Variants in KCNH7 observed in about 807,000 individuals in gnomAD.
The protein encoded by KCNH7 is potassium voltage-gated channel subfamily H member 7, also known as voltage-gated inwardly rectifying potassium channel KCNH7.
In KCNH7, 49 loss-of-function variants were observed where a neutral mutation model predicts 120.8. The observed-to-expected ratio is 0.41, with a 90% confidence interval of 0.32 to 0.51. The LOEUF (loss-of-function observed/expected upper bound fraction) is 0.51. KCNH7 is among the 20% of genes least tolerant of loss of function. The pLI is 0.38. For missense variants in KCNH7, 1,097 were observed against 1,446.6 expected (o/e 0.76, Z 3.92); for synonymous variants, 547 against 516.1 (o/e 1.06, Z -0.81).
At chr2:162,776,606 G>C (rs182256969) in intron 2 of KCNH7, among the ~76,000 whole-genome samples, 1 of 152,128 alleles carries the variant, frequency 6.6e-6, no homozygotes, top group African/African-American at 2.4e-5. Flanking sequence ...AGAGGGAAGA[G>C]AGGAAAGAGC....
At position 162,423,503 on chromosome 2, in the gene KCNH7, A is replaced by C. The variant is rs1417553808; in HGVS notation, c.1987T>G (p.Ser663Ala). ...GAGTATAGTCTTTGGATAATTGCAG[A>C]TACATTCCCAAAAATGCTTGCATAC... ...LMYASIFGNV[S>A]AIIQRLYSGT... The change falls in exon 9 of 16, where the codon TCT (serine) becomes GCT (alanine). Residue 663 changes from serine (S) to alanine (A), a missense_variant. This residue lies in a region of KCNH7 where 24 missense variants were observed against 105.8 expected (regional missense o/e 0.23). Transcript: ENST00000332142. 6.2e-7 allele frequency: 1 copy of C among 1,613,982 alleles called. No homozygotes were observed. The highest frequency in any genetic ancestry group is 8.5e-7 in the Non-Finnish European group (1 of 1,179,866).
At chr2:162,523,469 C>T (rs7584789) in intron 3 of KCNH7, among the ~76,000 whole-genome samples, 19,776 of 151,746 alleles carry the variant, frequency 0.13, 4,085 homozygotes, top group African/African-American at 0.43. Context: ...AATGGGGCTT[C>T]AAAAATTGGC....
intron 2 of KCNH7, among the ~76,000 whole-genome samples, chr2:162,552,682 G>A (rs944040404): frequency 1.3e-5 from 2 of 152,238 alleles, no homozygotes; most frequent in African/African-American, 4.8e-5. Context: ...GCTGGTCACA[G>A]AAGAGGAAGT....
intron 2 of KCNH7, among the ~76,000 whole-genome samples, chr2:162,692,124 G>GTTT (rs71410029): frequency 4.7e-3 from 681 of 144,720 alleles, no homozygotes; most frequent in Non-Finnish European, 7.5e-3. Context: ...ACAACATTGA[G>GTTT]TTTTTTTTTT....
At chr2:162,455,705 A>G (rs1688939845) in intron 6 of KCNH7, among the ~76,000 whole-genome samples, 1 of 151,732 alleles carries the variant, frequency 6.6e-6, no homozygotes, top group Admixed American at 6.6e-5. Flanking sequence ...TTTCTTCTAG[A>G]TTTTCTAGTT....
intron 2 of KCNH7, among the ~76,000 whole-genome samples, chr2:162,634,492 G>A (rs1366885581): frequency 6.6e-6 from 1 of 152,060 alleles, no homozygotes; most frequent in African/African-American, 2.4e-5. Flanking sequence ...AACAACTACA[G>A]TAGTATCAGC....
At chr2:162,542,350 T>C (rs986761091) in intron 2 of KCNH7, among the ~76,000 whole-genome samples, 1 of 150,502 alleles carries the variant, frequency 6.6e-6, no homozygotes, top group Non-Finnish European at 1.5e-5. Flanking sequence ...GCTGCACCCA[T>C]TAACTCGTCA....
intron 6 of KCNH7, among the ~76,000 whole-genome samples, chr2:162,485,712 A>G (rs909149955): frequency 3.3e-5 from 5 of 152,172 alleles, no homozygotes; most frequent in African/African-American, 1.2e-4. Flanking sequence ...AGGTGCCTGC[A>G]GGTAGGAAAA....
intron 2 of KCNH7, among the ~76,000 whole-genome samples, chr2:162,792,698 C>A (rs1463514734): frequency 7.1e-6 from 1 of 140,982 alleles, no homozygotes; most frequent in African/African-American, 2.5e-5. Context: ...ATTAGTCTAA[C>A]AAGCAGCTTA....
chr2:162,536,030 T>C (rs1429038174), intron 3 of KCNH7, among the ~76,000 whole-genome samples: 1 of 151,730 alleles, frequency 6.6e-6, no homozygotes, highest in African/African-American at 2.4e-5. Flanking sequence ...GCATCAGAGA[T>C]CCTAAAAAAT....
intron 2 of KCNH7, chr2:162,784,827 T>C (rs1352814360): frequency 6.6e-6 from 1 of 152,242 alleles, no homozygotes; most frequent in Non-Finnish European, 1.5e-5. Flanking sequence ...TTGGATACAC[T>C]ATTGTTTTGG....
At chr2:162,569,546 T>C (rs1693388352) in intron 2 of KCNH7, among the ~76,000 whole-genome samples, 1 of 139,380 alleles carries the variant, frequency 7.2e-6, no homozygotes, top group Non-Finnish European at 1.6e-5. Flanking sequence ...CTGCTCTGAT[T>C]TTAGTTATTT....
At chr2:162,537,836 C>A (rs1692161692) in intron 2 of KCNH7, among the ~76,000 whole-genome samples, 1 of 152,072 alleles carries the variant, frequency 6.6e-6, no homozygotes, top group Non-Finnish European at 1.5e-5. Context: ...TCAACCACTA[C>A]CATCCGTCTT....
At chr2:162,608,594 T>A (rs969422056) in intron 2 of KCNH7, among the ~76,000 whole-genome samples, 1 of 152,184 alleles carries the variant, frequency 6.6e-6, no homozygotes, top group African/African-American at 2.4e-5. Flanking sequence ...GAATCTCTTT[T>A]CATATCCTGA....
chr2:162,643,826 A>T (rs13392602), intron 2 of KCNH7, among the ~76,000 whole-genome samples: 1 of 123,572 alleles, frequency 8.1e-6, no homozygotes, highest in Non-Finnish European at 1.7e-5. Flanking sequence ...AAAAAAAAAA[A>T]AAGAAGAAAA....
intron 9 of KCNH7, among the ~76,000 whole-genome samples, chr2:162,409,714 A>G (rs528932612): frequency 7.2e-5 from 11 of 152,144 alleles, no homozygotes; most frequent in Admixed American, 2.0e-4. Flanking sequence ...TCTAGGTTTA[A>G]TAAACAGATA....
chr2:162,713,719 GTAT>G (rs1040023871), intron 2 of KCNH7, among the ~76,000 whole-genome samples: 7 of 152,078 alleles, frequency 4.6e-5, no homozygotes, highest in Admixed American at 1.3e-4. Flanking sequence ...GAGTAATGTA[GTAT>G]TATTGTTGTT....
At chr2:162,428,626 C>T (rs1337601744) in intron 8 of KCNH7, among the ~76,000 whole-genome samples, 1 of 151,870 alleles carries the variant, frequency 6.6e-6, no homozygotes, top group African/African-American at 2.4e-5. Flanking sequence ...GGAGTGTTAA[C>T]ATTGCAAACT....
In KCNH7 at chr2:162,838,469, G is replaced by T. The variant is rs763884668; in HGVS notation, c.50C>A (p.Thr17Asn). ...HVAPQNTFLGTIIRKFEGQNK... is the reference protein window; with the variant it reads ...HVAPQNTFLGNIIRKFEGQNK... ...TTGCCCTTCAAATTTCCGAATGATGGTCCCCAGAAATGTATTTTGTGGTGC... is the reference window on the plus strand; with the variant it reads ...TTGCCCTTCAAATTTCCGAATGATGTTCCCCAGAAATGTATTTTGTGGTGC... Residue 17 changes from threonine (T) to asparagine (N), a missense_variant, in exon 1 of 16, where the codon ACC becomes AAC. By Grantham distance (65) the Thr-to-Asn change is moderately conservative (BLOSUM62 0). Around this residue, in one of 8 missense-constraint regions of KCNH7, gnomAD observed 57 missense variants for 116.2 expected, o/e 0.49. Transcript: ENST00000332142. The T allele has an allele frequency of 6.8e-6, 11 of 1,613,838 alleles. No homozygotes were observed. In the South Asian group the frequency reaches 1.2e-4, roughly 18 times the overall value.
Sources: allele counts gnomAD v4.1 joint callset (sites outside exome capture counted in the v4.1 genomes callset), GRCh38; gene constraint gnomAD v4.1.1; regional missense constraint gnomAD v4.1.1; transcripts MANE v1.5; gene names NCBI Gene and HGNC (gene_info 2026-07-23, HGNC 2026-07-21).